The following RPAP3 variants were observed in gnomAD, a reference collection of about 807,000 sequenced individuals.
RPAP3 encodes RNA polymerase II-associated protein 3.
A neutral mutation model predicts 88.8 loss-of-function variants in RPAP3; 58 were observed. The ratio of observed to expected loss-of-function variants is 0.65; its 90% CI spans 0.53 to 0.81. RPAP3 has a LOEUF of 0.81. RPAP3 is among the 40% of genes least tolerant of loss of function. The pLI, the probability that RPAP3 is intolerant of heterozygous loss-of-function variation, is 0.00. For synonymous variants in RPAP3, 255 were observed against 259.9 expected (o/e 0.98, Z 0.18); for missense variants, 751 against 764.3 (o/e 0.98, Z 0.20).
rs776970612 is a variant in RPAP3, at chr12:47,697,633, A to G, written c.381T>C (p.His127=). The G allele has an allele frequency of 3.1e-6, 5 of 1,611,116 alleles. No individual in the cohort carries two copies. The East Asian group carries it at 8.9e-5, about 29-fold the overall frequency. The change falls in exon 4 of 17, where the codon CAT becomes CAC. Residue 127 remains histidine (H), a synonymous_variant. Transcript: ENST00000005386. ...QESESEEDGI[H]VDSQKALVLK... ...AAACAAGAGCCTTTTGTGAATCTACATGAATCCCATCTTCTTCCGACTCTG... is the reference window on the plus strand; with the variant it reads ...AAACAAGAGCCTTTTGTGAATCTACGTGAATCCCATCTTCTTCCGACTCTG...
chr12:47,682,953 G>A (rs893748266), intron 9 of RPAP3, among the ~76,000 whole-genome samples: 3 of 152,064 alleles, frequency 2.0e-5, no homozygotes, highest in Non-Finnish European at 2.9e-5. Context: ...CCTTTGGAGC[G>A]CAAAGTCAGG....
intron 5 of RPAP3, among the ~76,000 whole-genome samples, chr12:47,693,751 T>C (rs1939471057): frequency 1.3e-5 from 2 of 152,174 alleles, no homozygotes. Flanking sequence ...GGCCTGAAAT[T>C]ATTCTCAAAT....
At chr12:47,672,358 T>C (rs1401326043) in intron 12 of RPAP3, among the ~76,000 whole-genome samples, 4 of 152,220 alleles carry the variant, frequency 2.6e-5, no homozygotes, top group Non-Finnish European at 5.9e-5. Flanking sequence ...TCCTTACCAC[T>C]TTCTCTGGTG....
intron 14 of RPAP3, among the ~76,000 whole-genome samples, chr12:47,668,605 A>G (rs1938931393): frequency 6.6e-6 from 1 of 152,204 alleles, no homozygotes; most frequent in African/African-American, 2.4e-5. Flanking sequence ...TATTGCAAGC[A>G]CTGCTTGGCA....
intron 9 of RPAP3, among the ~76,000 whole-genome samples, chr12:47,682,561 G>A (rs1939243147): frequency 6.6e-6 from 1 of 151,754 alleles, no homozygotes; most frequent in African/African-American, 2.4e-5. Flanking sequence ...CAATAATTCG[G>A]GGGGAAAATG....
At chr12:47,698,210 C>T (rs1939575750) in intron 3 of RPAP3, among the ~76,000 whole-genome samples, 2 of 152,082 alleles carry the variant, frequency 1.3e-5, no homozygotes, top group South Asian at 4.1e-4. Context: ...GGTATAATTA[C>T]CCATGTTTTT....
chr12:47,675,037 ACAGCAGATCTCT>A (rs1218529094), intron 12 of RPAP3, among the ~76,000 whole-genome samples: 1 of 152,212 alleles, frequency 6.6e-6, no homozygotes, highest in African/African-American at 2.4e-5. Flanking sequence ...CATCAGACTA[ACAGCAGATCTCT>A]CAGCAGAAAC....
intron 10 of RPAP3, 27 bp from the exon 11 acceptor site, chr12:47,679,801 C>G (rs760250181): frequency 6.8e-7 from 1 of 1,462,958 alleles, no homozygotes; most frequent in Admixed American, 1.8e-5. Flanking sequence ...AAAAACATTA[C>G]AACATAGTTA....
intron 1 of RPAP3, among the ~76,000 whole-genome samples, chr12:47,703,150 C>T (rs1939691092): frequency 6.6e-6 from 1 of 152,218 alleles, no homozygotes; most frequent in South Asian, 2.1e-4. Flanking sequence ...CTGCTCATCT[C>T]TGGAGTTGAG....
intron 6 of RPAP3, among the ~76,000 whole-genome samples, chr12:47,689,686 T>C (rs4348981): frequency 0.043 from 6,541 of 152,154 alleles, 464 homozygotes; most frequent in African/African-American, 0.14. Flanking sequence ...CAAAATCCTA[T>C]GACAAACCAT....
At chr12:47,690,162 A>G (rs375371438) in intron 6 of RPAP3, among the ~76,000 whole-genome samples, 1 of 152,224 alleles carries the variant, frequency 6.6e-6, no homozygotes, top group East Asian at 1.9e-4. Context: ...TAGAAGGCTT[A>G]GAATTTATAA....
At chr12:47,691,242 C>T (rs1939421639) in intron 5 of RPAP3, among the ~76,000 whole-genome samples, 1 of 152,142 alleles carries the variant, frequency 6.6e-6, no homozygotes. Flanking sequence ...AAAACGTTCA[C>T]GGCACCTTCA....
chr12:47,683,839 T>C (rs1206850499), intron 9 of RPAP3, among the ~76,000 whole-genome samples: 3 of 152,180 alleles, frequency 2.0e-5, no homozygotes, highest in African/African-American at 7.2e-5. Context: ...CTGGCTCTAG[T>C]GTAAATGCCG....
In RPAP3 at chr12:47,686,819, A is replaced by C; in HGVS notation, c.953T>G (p.Leu318Arg). Residue 318 changes from leucine to arginine, a missense_variant, in exon 9 of 17, where the codon CTT (leucine) becomes CGT (arginine). By Grantham distance (102) the Leu-to-Arg change is moderately radical (BLOSUM62 -2). Coordinates refer to ENST00000005386, the MANE Select transcript of RPAP3 (RefSeq NM_024604.3). The part of the protein sequence containing the change: ...GIAADGANAL[L>R]PANRAMAYLK... Reference sequence around the variant, plus strand: ...ATAGGCCATAGCTCTGTTAGCTGGAAGAAGGGCATTAGCACCATCTGCTGC... The same window carrying C: ...ATAGGCCATAGCTCTGTTAGCTGGACGAAGGGCATTAGCACCATCTGCTGC... The C allele has an allele frequency of 6.2e-7, 1 of 1,605,492 alleles. No individual in the cohort carries two copies.
chr12:47,661,657 A>T lies in RPAP3; in HGVS notation c.*1848T>A, dbSNP rs1339002131. 1 of 152,194 alleles carries T rather than the reference A, an allele frequency of 6.6e-6. No homozygotes were observed. Among genetic ancestry groups the T allele is most frequent in the African/African-American group, 2.4e-5 (1 of 41,448 alleles). The allele number at this position is 152,194 out of a possible 1,614,324, so 9.4% of individuals were successfully genotyped here. ...TTCTATAGTAAATCTTGTGATCTGT[A>T]CTTCTTCAGTTAACAGTCTCTACAC... On this transcript the variant is annotated 3_prime_UTR_variant, in exon 17 of 17. Coordinates refer to ENST00000005386, the MANE Select transcript of RPAP3 (RefSeq NM_024604.3).
intron 1 of RPAP3, among the ~76,000 whole-genome samples, chr12:47,703,297 G>C (rs186817753): frequency 5.3e-5 from 8 of 152,316 alleles, no homozygotes; most frequent in Non-Finnish European, 8.8e-5. Flanking sequence ...TAAAGCACTA[G>C]TAACAAAATA....
In RPAP3 at chr12:47,669,036, T is replaced by C; in HGVS notation, c.1593A>G (p.Glu531=). Residue 531 remains glutamate (E), a synonymous_variant, in exon 14 of 17, where the codon GAA becomes GAG. Coordinates refer to ENST00000005386, the MANE Select transcript of RPAP3 (RefSeq NM_024604.3). ...TTGTGGCAAACTGAGCAGGTTTTTG[T>C]TCTATCTCTATGGGCATTTTCTCGC... The part of the protein sequence containing the change: ...SYSEKMPIEI[E]QKPAQFATTV... The C allele has an allele frequency of 3.7e-6, 6 of 1,613,986 alleles. No homozygotes were observed. Among genetic ancestry groups the C allele is most frequent in the Non-Finnish European group, 5.1e-6 (6 of 1,179,902 alleles).
intron 9 of RPAP3, among the ~76,000 whole-genome samples, chr12:47,684,402 T>C (rs1309946796): frequency 6.6e-6 from 1 of 152,216 alleles, no homozygotes; most frequent in East Asian, 1.9e-4. Context: ...ACACAGTTTA[T>C]AGAACCTCAA....
At chr12:47,694,418 T>C (rs1446571361) in intron 5 of RPAP3, among the ~76,000 whole-genome samples, 1 of 152,156 alleles carries the variant, frequency 6.6e-6, no homozygotes, top group Admixed American at 6.5e-5. Flanking sequence ...TAGAAGAAAT[T>C]AGAGGAGACT....
Sources: gnomAD v4.1 joint callset for allele counts (sites outside exome capture counted in the v4.1 genomes callset) on GRCh38, gnomAD v4.1.1 for gene constraint, MANE v1.5 for transcripts, NCBI Gene and HGNC (gene_info 2026-07-23, HGNC 2026-07-21) for gene names.